The following SLC7A8 variants were observed in gnomAD, a reference collection of about 807,000 sequenced individuals.
The protein encoded by SLC7A8 is large neutral amino acids transporter small subunit 2.
A neutral mutation model predicts 51.2 loss-of-function variants in SLC7A8; 30 were observed. The ratio of observed to expected loss-of-function variants is 0.59; its 90% CI spans 0.44 to 0.80. The LOEUF is 0.80. Ranked by LOEUF, SLC7A8 falls within the 30% of genes least tolerant of loss-of-function variation. SLC7A8 has a pLI of 0.00. For synonymous variants in SLC7A8, 257 were observed against 275.8 expected (o/e 0.93, Z 0.67); for missense variants, 612 against 674.4 (o/e 0.91, Z 1.03).
intron 3 of SLC7A8, among the ~76,000 whole-genome samples, chr14:23,143,859 T>A (rs769172764): frequency 9.9e-5 from 15 of 152,220 alleles, no homozygotes; most frequent in Admixed American, 6.5e-4. Flanking sequence ...CTTCTGTCCC[T>A]ATAGCTTTGT....
rs2140299552 is a variant in SLC7A8 at position 23,128,463 on chromosome 14, T to C, written c.1264-267A>G. 1.7e-6 allele frequency: 2 copies of C among 1,176,706 alleles called. No individual in the cohort carries two copies. Among genetic ancestry groups the C allele is most frequent in the Non-Finnish European group, 2.4e-6 (2 of 849,660 alleles). The allele number at this position is 1,176,706 out of a possible 1,614,324, so 72.9% of individuals were successfully genotyped here. A position where few individuals can be genotyped will look rare whatever the true frequency, so the allele number is the denominator to read the frequency against. On this transcript the variant is annotated intron_variant, in intron 9 of 10. Coordinates refer to ENST00000316902, the MANE Select transcript of SLC7A8 (RefSeq NM_012244.4). The surrounding 1 kb of genome is among the most constrained non-coding windows in gnomAD (Gnocchi z 4.3). ...TCCTCCTTGCCCATGTCCTCGCTCT[T>C]GGGTGTGGTTAGACAAGGCCTCATC... is the stretch of plus-strand genomic sequence containing the variant.
intron 1 of SLC7A8, among the ~76,000 whole-genome samples, chr14:23,170,377 G>T (rs1411437354): frequency 6.6e-6 from 1 of 152,174 alleles, no homozygotes; most frequent in Non-Finnish European, 1.5e-5. Flanking sequence ...CTTTGAAAAA[G>T]ACGAACTGGG....
intron 3 of SLC7A8, among the ~76,000 whole-genome samples, chr14:23,150,564 CT>C (rs2048837871): frequency 6.6e-6 from 1 of 152,182 alleles, no homozygotes; most frequent in African/African-American, 2.4e-5. Context: ...CTGAGCCTCC[CT>C]TTTCTCCATG....
Position 23,139,275 on chromosome 14 carries a change from G to C in SLC7A8, c.912+149C>G, listed in dbSNP as rs922559949. On this transcript the variant is annotated intron_variant, in intron 6 of 10. Transcript: ENST00000316902. ...CTCCTGGGCACTTAAAGATACCCCAGCCAATGACATATGTGGTTTCTGCCC... is the reference window on the plus strand; with the variant it reads ...CTCCTGGGCACTTAAAGATACCCCACCCAATGACATATGTGGTTTCTGCCC... The C allele has an allele frequency of 7.3e-6, 9 of 1,233,362 alleles. No homozygotes were observed. The South Asian group carries it at 1.1e-4, about 16-fold the overall frequency. 76.4% of individuals were successfully genotyped at this position (1,233,362 alleles called of 1,614,324 possible).
At chr14:23,154,998 CAAAAAAAAAAA>C (rs33973055) in intron 3 of SLC7A8, among the ~76,000 whole-genome samples, 1 of 89,438 alleles carries the variant, frequency 1.1e-5, no homozygotes, top group African/African-American at 4.1e-5. Context: ...ACACAACAGA[CAAAAAAAAAAA>C]AAAAAAAAAA....
At chr14:23,159,603 G>A (rs2048910982) in intron 3 of SLC7A8, among the ~76,000 whole-genome samples, 1 of 152,228 alleles carries the variant, frequency 6.6e-6, no homozygotes, top group East Asian at 1.9e-4. Context: ...AAAATAAACT[G>A]AGGTTAAGGG....
intron 7 of SLC7A8, among the ~76,000 whole-genome samples, chr14:23,132,092 C>A (rs988275290): frequency 6.6e-6 from 1 of 151,076 alleles, no homozygotes; most frequent in African/African-American, 2.4e-5. Context: ...GCAACCTCCG[C>A]CTCCCAGGTT....
chr14:23,158,213 C>T (rs1313785756), intron 3 of SLC7A8, among the ~76,000 whole-genome samples: 2 of 152,204 alleles, frequency 1.3e-5, no homozygotes, highest in African/African-American at 4.8e-5. Context: ...ATTTATATAA[C>T]ATTTCCCAAG....
chr14:23,139,459 G>T lies in SLC7A8; in HGVS notation c.877C>A (p.Pro293Thr). 1.9e-6 allele frequency: 3 copies of T among 1,614,126 alleles called. No individual in the cohort carries two copies. The highest frequency in any genetic ancestry group is 1.7e-6 in the Non-Finnish European group (2 of 1,179,990). ...ANVAYVTAMS[P>T]QELLASNAVA... ...GCGTTGGATGCCAGCAGCTCCTGGG[G>T]GGACATTGCAGTGACATAAGCGACA... The change falls in exon 6 of 11, where the codon CCC becomes ACC. Residue 293 changes from proline (P) to threonine (T), a missense_variant. Pro to Thr is a conservative substitution (Grantham distance 38). Coordinates refer to ENST00000316902, the MANE Select transcript of SLC7A8 (RefSeq NM_012244.4).
intron 3 of SLC7A8, among the ~76,000 whole-genome samples, chr14:23,144,445 T>C (rs1162293321): frequency 6.6e-6 from 1 of 151,712 alleles, no homozygotes; most frequent in African/African-American, 2.4e-5. Context: ...CAACTCTTCA[T>C]GTGCTTATTT....
chr14:23,164,573 A>C (rs2048939247), intron 3 of SLC7A8, among the ~76,000 whole-genome samples: 1 of 152,108 alleles, frequency 6.6e-6, no homozygotes, highest in South Asian at 2.1e-4. Context: ...TGCCAGTGAA[A>C]ATCATAGTGC....
At chr14:23,162,627 G>A (rs566916966) in intron 3 of SLC7A8, among the ~76,000 whole-genome samples, 1 of 152,336 alleles carries the variant, frequency 6.6e-6, no homozygotes, top group South Asian at 2.1e-4. Flanking sequence ...GGAAGGCTGT[G>A]GAGAGGACTG....
At chr14:23,130,481 G>T (rs896850871) in intron 8 of SLC7A8, among the ~76,000 whole-genome samples, 1 of 152,126 alleles carries the variant, frequency 6.6e-6, no homozygotes, top group African/African-American at 2.4e-5. Flanking sequence ...AAAAGGTTCT[G>T]TTCTCTTGTG....
intron 3 of SLC7A8, among the ~76,000 whole-genome samples, chr14:23,157,712 G>A (rs1247470927): frequency 2.6e-5 from 4 of 151,962 alleles, no homozygotes; most frequent in Admixed American, 6.6e-5. Flanking sequence ...CCCTCCCTCC[G>A]TGCTGAATAT....
intron 9 of SLC7A8, 87 bp downstream of exon 9, chr14:23,129,563 A>C: frequency 6.8e-7 from 1 of 1,461,302 alleles, no homozygotes; most frequent in Non-Finnish European, 9.3e-7. Flanking sequence ...TGTGGTCAGC[A>C]GCTAAGAACA....
intron 1 of SLC7A8, among the ~76,000 whole-genome samples, chr14:23,171,267 G>C (rs1185651838): frequency 6.6e-6 from 1 of 152,068 alleles, no homozygotes; most frequent in Non-Finnish European, 1.5e-5. Flanking sequence ...AGGATGCCTG[G>C]ACAATGAAAC....
chr14:23,172,629 C>T (rs1428540147), intron 1 of SLC7A8, among the ~76,000 whole-genome samples: 1 of 152,228 alleles, frequency 6.6e-6, no homozygotes, highest in African/African-American at 2.4e-5. Context: ...GAGGCTTTGT[C>T]TTCCTTGGTG....
chr14:23,142,761 C>T (rs1424198312), intron 4 of SLC7A8, among the ~76,000 whole-genome samples: 1 of 152,134 alleles, frequency 6.6e-6, no homozygotes, highest in African/African-American at 2.4e-5. Context: ...CTCATCCTTC[C>T]TAAGTGCTGG....
At position 23,127,313 on chromosome 14, in the gene SLC7A8, C is replaced by A. The variant is rs140596505; in HGVS notation, c.1472G>T (p.Cys491Phe). 6.2e-7 allele frequency: 1 copy of A among 1,614,114 alleles called. No homozygotes were observed. Among genetic ancestry groups the A allele is most frequent in the Admixed American group, 1.7e-5 (1 of 60,022 alleles). Residue 491 changes from cysteine (C) to phenylalanine (F), a missense_variant, in exon 11 of 11, where the codon TGT (cysteine) becomes TTT (phenylalanine). Cys to Phe is a radical substitution (Grantham distance 205). Transcript: ENST00000316902. ...CTCCACCTCGGGGTACACGACCACACACATCTTCTGGCTCACCAGGGTTAG... is the reference window on the plus strand; with the variant it reads ...CTCCACCTCGGGGTACACGACCACAAACATCTTCTGGCTCACCAGGGTTAG... Reference protein sequence around the residue: ...ELLTLVSQKMCVVVYPEVERG... With the variant: ...ELLTLVSQKMFVVVYPEVERG...
Sources: allele counts gnomAD v4.1 joint callset (sites outside exome capture counted in the v4.1 genomes callset), GRCh38; gene constraint gnomAD v4.1.1; non-coding constraint Gnocchi (gnomAD v3.1); transcripts MANE v1.5; gene names NCBI Gene and HGNC (gene_info 2026-07-23, HGNC 2026-07-21).